Variants in GPC5 observed in about 807,000 individuals in gnomAD.
GPC5 encodes glypican-5.
GPC5 carries 47 observed loss-of-function variants against 53.9 expected under a neutral mutation model. That is an observed-to-expected ratio of 0.87 (90% CI 0.69 to 1.11). The LOEUF is 1.11. Ranked by LOEUF, GPC5 falls within the 50% of genes most tolerant of loss-of-function variation. The pLI is 0.00. For synonymous variants in GPC5, 286 were observed against 263.3 expected (o/e 1.09, Z -0.84); for missense variants, 748 against 713.1 (o/e 1.05, Z -0.56).
intron 2 of GPC5, among the ~76,000 whole-genome samples, chr13:91,586,535 T>C (rs1308009756): frequency 1.2e-4 from 5 of 42,554 alleles, no homozygotes; most frequent in African/African-American, 5.1e-4. Flanking sequence ...TATATATATA[T>C]ATATATATAT....
intron 6 of GPC5, among the ~76,000 whole-genome samples, chr13:92,038,010 C>A (rs543468490): frequency 7.9e-5 from 12 of 152,162 alleles, no homozygotes; most frequent in African/African-American, 2.9e-4. Context: ...TACAGAGAAA[C>A]CCACTTAGGT....
At chr13:91,489,231 G>A (rs1390359398) in intron 2 of GPC5, among the ~76,000 whole-genome samples, 1 of 152,026 alleles carries the variant, frequency 6.6e-6, no homozygotes. Context: ...CACCCTATTC[G>A]TACACTCCCT....
chr13:91,811,290 A>G (rs1299937558), intron 5 of GPC5, among the ~76,000 whole-genome samples: 1 of 152,044 alleles, frequency 6.6e-6, no homozygotes, highest in Non-Finnish European at 1.5e-5. Context: ...AATAGTAATC[A>G]CACTAATTCT....
intron 7 of GPC5, among the ~76,000 whole-genome samples, chr13:92,658,839 T>C (rs1407718589): frequency 6.6e-6 from 1 of 151,854 alleles, no homozygotes; most frequent in Non-Finnish European, 1.5e-5. Context: ...GCATCAAGGT[T>C]GAATTATAGG....
At chr13:92,347,855 A>ATATATATATTATATATATTATATATAT in intron 7 of GPC5, among the ~76,000 whole-genome samples, 1 of 22,816 alleles carries the variant, frequency 4.4e-5, no homozygotes, top group Non-Finnish European at 6.2e-5. Context: ...TGTTTTATAC[A>ATATATATATTATATATATTATATATAT]TATATATATT....
intron 7 of GPC5, among the ~76,000 whole-genome samples, chr13:92,402,341 CAT>C (rs1416935010): frequency 6.6e-6 from 1 of 152,150 alleles, no homozygotes; most frequent in Non-Finnish European, 1.5e-5. Context: ...TAAGCAGTGA[CAT>C]AGAACCTTTT....
At chr13:92,597,847 C>T (rs570060306) in intron 7 of GPC5, among the ~76,000 whole-genome samples, 3 of 152,294 alleles carry the variant, frequency 2.0e-5, no homozygotes, top group South Asian at 2.1e-4. Context: ...TGCATTCATT[C>T]GTTCATTCAT....
intron 5 of GPC5, among the ~76,000 whole-genome samples, chr13:91,892,694 T>C (rs2039400101): frequency 1.3e-5 from 2 of 151,752 alleles, no homozygotes; most frequent in African/African-American, 4.8e-5. Flanking sequence ...GACCCAAATA[T>C]ATTTAGACTT....
chr13:91,535,643 G>T (rs576422613), intron 2 of GPC5, among the ~76,000 whole-genome samples: 3 of 152,080 alleles, frequency 2.0e-5, no homozygotes, highest in African/African-American at 4.8e-5. Context: ...CAGAAAACTC[G>T]TCTTTTAATG....
chr13:92,852,026 T>A lies in GPC5; in HGVS notation c.1562-14256T>A, dbSNP rs535451199. Reference sequence around the variant, plus strand: ...ATGCATGAAACAGAAAAAAAATTTATTCCTCGCTGGTCCCAGAGAGATTCG... The same window carrying A: ...ATGCATGAAACAGAAAAAAAATTTAATCCTCGCTGGTCCCAGAGAGATTCG... On this transcript the variant is annotated intron_variant, in intron 7 of 7. Coordinates refer to ENST00000377067, the MANE Select transcript of GPC5 (RefSeq NM_004466.6). Among the ~76,000 whole-genome samples, 3 of 152,126 alleles carry A rather than the reference T, an allele frequency of 2.0e-5. No homozygotes were observed. The East Asian group carries it at 5.8e-4, about 29-fold the overall frequency.
intron 7 of GPC5, among the ~76,000 whole-genome samples, chr13:92,652,751 A>C (rs766877612): frequency 3.9e-5 from 6 of 152,202 alleles, no homozygotes; most frequent in Non-Finnish European, 7.3e-5. Flanking sequence ...ATCTCATCAT[A>C]GCATCATGGC....
intron 5 of GPC5, among the ~76,000 whole-genome samples, chr13:91,793,709 A>G (rs943270967): frequency 5.9e-5 from 9 of 152,168 alleles, no homozygotes; most frequent in African/African-American, 2.2e-4. Context: ...AGGCCTCAGG[A>G]AACTTACAAT....
chr13:91,563,558 A>C (rs1329971404), intron 2 of GPC5, among the ~76,000 whole-genome samples: 3 of 152,214 alleles, frequency 2.0e-5, no homozygotes, highest in Non-Finnish European at 4.4e-5. Context: ...AAGTTTAAGC[A>C]GTATACTATG....
At chr13:91,558,687 C>A (rs909540392) in intron 2 of GPC5, among the ~76,000 whole-genome samples, 1 of 152,014 alleles carries the variant, frequency 6.6e-6, no homozygotes, top group Non-Finnish European at 1.5e-5. Flanking sequence ...TGCTTGAGGA[C>A]AATTTTCTAG....
At chr13:92,053,151 C>G (rs1033633886) in intron 6 of GPC5, among the ~76,000 whole-genome samples, 1 of 152,156 alleles carries the variant, frequency 6.6e-6, no homozygotes, top group Non-Finnish European at 1.5e-5. Flanking sequence ...GTGGTTGTTT[C>G]CCAGTCCATT....
At chr13:92,347,883 T>TATATA (rs2043433071) in intron 7 of GPC5, among the ~76,000 whole-genome samples, 2 of 1,164 alleles carry the variant, frequency 1.7e-3, no homozygotes, top group Non-Finnish European at 3.3e-3. Context: ...TAATATATAT[T>TATATA]ATATATATTA....
intron 4 of GPC5, among the ~76,000 whole-genome samples, chr13:91,733,037 G>A (rs1235136212): frequency 6.6e-6 from 1 of 152,126 alleles, no homozygotes; most frequent in Non-Finnish European, 1.5e-5. Context: ...ATTTAAAGTA[G>A]TTTTTTCTAA....
chr13:91,671,277 G>A (rs958805330), intron 2 of GPC5, among the ~76,000 whole-genome samples: 1 of 152,096 alleles, frequency 6.6e-6, no homozygotes, highest in Non-Finnish European at 1.5e-5. Context: ...AAAGTAGTGG[G>A]AATAGTCTTG....
At chr13:91,458,578 C>T (rs924787367) in intron 2 of GPC5, among the ~76,000 whole-genome samples, 2 of 151,420 alleles carry the variant, frequency 1.3e-5, no homozygotes, top group South Asian at 2.1e-4. Context: ...GCAAGAATGG[C>T]GATAATTAAA....
Sources: gnomAD v4.1 joint callset for allele counts (sites outside exome capture counted in the v4.1 genomes callset) on GRCh38, gnomAD v4.1.1 for gene constraint, MANE v1.5 for transcripts, NCBI Gene and HGNC (gene_info 2026-07-23, HGNC 2026-07-21) for gene names.